Variants in APOL3 observed in about 807,000 individuals in gnomAD.
APOL3 encodes the protein TNF-inducible protein CG12-1.
Under a neutral mutation model 11.6 loss-of-function variants are expected in APOL3, and 14 were observed. The observed-to-expected ratio is 1.21, with a 90% CI of 0.80 to 1.89. The LOEUF (loss-of-function observed/expected upper bound fraction) is 1.89. Among genes scored for constraint, APOL3 ranks in the 40% most tolerant of loss-of-function variants. The pLI, the probability that APOL3 is intolerant of heterozygous loss-of-function variation, is 0.00. For synonymous variants in APOL3, 192 were observed against 190.6 expected (o/e 1.01, Z -0.06); for missense variants, 483 against 492.1 (o/e 0.98, Z 0.17).
Position 36,148,890 on chromosome 22 carries a change from G to A in APOL3, c.224-3291C>T, listed in dbSNP as rs1423120061. ...AGATGCCCCCACAGACCCTTGGGTC[G>A]GGGGACTCCATGTGGCCTCTTTTGG... On this transcript the variant is annotated intron_variant, in intron 1 of 2. Coordinates refer to ENST00000349314, the Ensembl canonical transcript of APOL3. 4.6e-5 allele frequency among the ~76,000 whole-genome samples: 7 copies of A among 152,188 alleles called. No homozygotes were observed. The East Asian group carries it at 5.8e-4, about 13-fold the overall frequency.
At chr22:36,156,987 T>A (rs1292900365) in intron 1 of APOL3, 4 of 456,286 alleles carry the variant, frequency 8.8e-6, no homozygotes, top group Non-Finnish European at 1.8e-5. Flanking sequence ...TGTTTTTCCT[T>A]GCTATCTAGA....
intron 2 of APOL3, 72 bp from the exon 4 acceptor site, chr22:36,142,130 T>C: frequency 6.8e-7 from 1 of 1,478,446 alleles, no homozygotes; most frequent in Non-Finnish European, 9.0e-7. Context: ...ATAAGATCTG[T>C]TCTACATAAA....
intron 1 of APOL3, chr22:36,149,715 C>A: frequency 2.6e-6 from 1 of 385,462 alleles, no homozygotes; most frequent in South Asian, 1.9e-5. Context: ...AATCCCATGT[C>A]TTCCATGACT....
At chr22:36,144,383 C>T (rs1363539051) in intron 2 of APOL3, among the ~76,000 whole-genome samples, 2 of 152,110 alleles carry the variant, frequency 1.3e-5, no homozygotes, top group African/African-American at 2.4e-5. Context: ...TGGTTCCCCA[C>T]CTCTGACCTG....
At chr22:36,158,590 T>C (rs1603475841) in intron 1 of APOL3, among the ~76,000 whole-genome samples, 1 of 152,040 alleles carries the variant, frequency 6.6e-6, no homozygotes, top group South Asian at 2.1e-4. Context: ...GTGGCGGAGG[T>C]GGGTGGATCA....
At chr22:36,157,629 G>A (rs1456870920) in intron 1 of APOL3, among the ~76,000 whole-genome samples, 1 of 152,106 alleles carries the variant, frequency 6.6e-6, no homozygotes, top group Non-Finnish European at 1.5e-5. Context: ...AAATTAGAAA[G>A]AACATCATTC....
intron 2 of APOL3, among the ~76,000 whole-genome samples, chr22:36,143,926 T>A (rs1056518744): frequency 6.6e-6 from 1 of 152,214 alleles, no homozygotes; most frequent in Non-Finnish European, 1.5e-5. Context: ...AAAGTGTTTT[T>A]CTCTTTGGTT....
Position 36,149,123 on chromosome 22 carries a change from G to C in APOL3, c.224-3524C>G, listed in dbSNP as rs751341779. The C allele has an allele frequency of 1.8e-5, 25 of 1,367,808 alleles. No individual in the cohort carries two copies. The Admixed American group carries it at 4.8e-4, about 26-fold the overall frequency. 84.7% of individuals were successfully genotyped at this position (1,367,808 alleles called of 1,614,324 possible). On this transcript the variant is annotated intron_variant, in intron 1 of 2. Transcript: ENST00000349314. ...TCCAGTCACTGACCTGACTGGAAGGGTTCGTTTTTTTTCTTAACCCTTGAG... is the reference window on the plus strand; with the variant it reads ...TCCAGTCACTGACCTGACTGGAAGGCTTCGTTTTTTTTCTTAACCCTTGAG...
Position 36,145,611 on chromosome 22 carries a change from CA to C in APOL3, c.224-13del, listed in dbSNP as rs2060168814. ...AAAGCGTTTCTTTTCTACTTGGAAA[CA>C]AAAAGCATAAGATTGGAAGAAAGTG... On this transcript the variant is annotated splice_polypyrimidine_tract_variant and intron_variant, in intron 1 of 2. Coordinates refer to ENST00000349314, the Ensembl canonical transcript of APOL3. The C allele has an allele frequency of 6.2e-7, 1 of 1,611,820 alleles. No homozygotes were observed. Among genetic ancestry groups the C allele is most frequent in the Non-Finnish European group, 8.5e-7 (1 of 1,179,314 alleles).
chr22:36,157,104 C>T, intron 1 of APOL3: 1 of 443,640 alleles, frequency 2.3e-6, no homozygotes, highest in South Asian at 1.6e-5. Context: ...CTCCCGTGTC[C>T]TCCCCAGTCT....
At chr22:36,148,003 G>T (rs942922408) in intron 1 of APOL3, among the ~76,000 whole-genome samples, 10 of 152,164 alleles carry the variant, frequency 6.6e-5, no homozygotes, top group Admixed American at 3.3e-4. Context: ...TTCCAACAAG[G>T]TAAACCAAAA....
intron 1 of APOL3, among the ~76,000 whole-genome samples, chr22:36,158,903 C>T (rs942669658): frequency 2.0e-5 from 3 of 152,044 alleles, no homozygotes; most frequent in East Asian, 1.9e-4. Flanking sequence ...TTCGAGGCCA[C>T]GACACAGAGG....
In APOL3 at chr22:36,141,733, GC is replaced by G. The variant is rs764519890; in HGVS notation, c.675del (p.Leu226TrpfsTer7). 4 of 1,614,068 alleles carry G rather than the reference GC, an allele frequency of 2.5e-6. No homozygotes were observed. In the South Asian group the frequency reaches 3.3e-5, roughly 13 times the overall value. The stretch of plus-strand genomic sequence containing the variant: ...CCAGTCACAGCAGACGCTGCTCCCA[GC>G]CCTACCCCAGCTGCAGTAAGGGCCA... On this transcript the variant is annotated frameshift_variant, in exon 3 of 3. Coordinates refer to ENST00000349314, the Ensembl canonical transcript of APOL3. LOFTEE classifies it low-confidence loss of function (END_TRUNC).
intron 1 of APOL3, among the ~76,000 whole-genome samples, chr22:36,152,682 A>G (rs1380529810): frequency 6.6e-6 from 1 of 152,230 alleles, no homozygotes; most frequent in African/African-American, 2.4e-5. Flanking sequence ...GGAGAAGTTA[A>G]GTAATTCACC....
chr22:36,162,842 T>C (rs561063207), upstream of APOL3, among the ~76,000 whole-genome samples: 1 of 152,350 alleles, frequency 6.6e-6, no homozygotes, highest in East Asian at 1.9e-4. Context: ...ACGTTCAGCA[T>C]GGCTTTTAAT....
At chr22:36,141,676 T>C (rs1248018011) in exon 3 of APOL3, 5 of 1,614,138 alleles carry the variant, frequency 3.1e-6, no homozygotes, top group Non-Finnish European at 4.2e-6. Context: ...GCTGATGATG[T>C]GTATGAGTGC....
At chr22:36,163,067 TAATTAGCTGTTTA>T (rs1383615613), upstream of APOL3, among the ~76,000 whole-genome samples, 1 of 152,236 alleles carries the variant, frequency 6.6e-6, no homozygotes, top group Non-Finnish European at 1.5e-5. Flanking sequence ...GATTTAGGTT[TAATTAGCTGTTTA>T]ACGTGATTAA....
At chr22:36,166,028 C>G (rs2146917973) in exon 1 of APOL3, 1 of 152,152 alleles carries the variant, frequency 6.6e-6, no homozygotes, top group East Asian at 1.9e-4. Flanking sequence ...CCAGCACATC[C>G]CAAAGAAAGA....
intron 1 of APOL3, chr22:36,150,017 C>A: frequency 4.8e-6 from 2 of 413,856 alleles, no homozygotes; most frequent in South Asian, 3.6e-5. Flanking sequence ...TGCTTTGTTG[C>A]CCAGAGCTGG....
Sources: gnomAD v4.1 joint callset for allele counts (sites outside exome capture counted in the v4.1 genomes callset) on GRCh38, gnomAD v4.1.1 for gene constraint, MANE v1.5 for transcripts, NCBI Gene and HGNC (gene_info 2026-07-23, HGNC 2026-07-21) for gene names.